CUL2: variants seen among roughly 807,000 people sequenced by gnomAD.
CUL2 encodes cullin-2.
CUL2 carries 22 observed loss-of-function variants against 110.2 expected under a neutral mutation model. The observed-to-expected ratio is 0.20, with a 90% CI of 0.14 to 0.28. CUL2 has a LOEUF of 0.28. Among genes scored for constraint, CUL2 ranks in the 10% least tolerant of loss-of-function variants. CUL2 has a pLI of 1.00. For missense variants in CUL2, 631 were observed against 905.5 expected (o/e 0.70, Z 3.89); for synonymous variants, 279 against 293.2 (o/e 0.95, Z 0.49).
At chr10:35,034,336 G>C (rs2085564347) in intron 10 of CUL2, among the ~76,000 whole-genome samples, 2 of 152,062 alleles carry the variant, frequency 1.3e-5, no homozygotes, top group Admixed American at 1.3e-4. Context: ...ACAAAAAATA[G>C]AAAACTGTGG....
At chr10:35,044,461 A>G (rs1192584888) in intron 8 of CUL2, 105 bp downstream of exon 8, 11 of 663,898 alleles carry the variant, frequency 1.7e-5, no homozygotes, top group South Asian at 2.3e-5. Flanking sequence ...AATAAACAGA[A>G]TATTTTTCCA....
At chr10:35,107,227 G>C (rs1274995347) in intron 1 of CUL2, among the ~76,000 whole-genome samples, 1 of 151,852 alleles carries the variant, frequency 6.6e-6, no homozygotes, top group Non-Finnish European at 1.5e-5. Flanking sequence ...ACCCACCTTG[G>C]CCTCCCAAAG....
intron 1 of CUL2, among the ~76,000 whole-genome samples, chr10:35,085,515 A>T (rs1230120294): frequency 6.6e-6 from 1 of 151,174 alleles, no homozygotes; most frequent in African/African-American, 2.4e-5. Flanking sequence ...GACACTGAGG[A>T]AGGCGGACCA....
intron 4 of CUL2, among the ~76,000 whole-genome samples, chr10:35,057,184 A>G (rs1447146833): frequency 6.6e-6 from 1 of 152,202 alleles, no homozygotes; most frequent in African/African-American, 2.4e-5. Flanking sequence ...AAAGATCTAG[A>G]TGTATATTCT....
intron 8 of CUL2, among the ~76,000 whole-genome samples, chr10:35,040,008 C>T (rs1429367922): frequency 6.6e-6 from 1 of 152,040 alleles, no homozygotes; most frequent in Non-Finnish European, 1.5e-5. Flanking sequence ...AAAAAATTAG[C>T]CAGGTGTGGT....
intron 17 of CUL2, among the ~76,000 whole-genome samples, chr10:35,017,129 C>G (rs2085056774): frequency 6.6e-6 from 1 of 152,018 alleles, no homozygotes; most frequent in Non-Finnish European, 1.5e-5. Context: ...GTTCAAGCCT[C>G]CTGGGAGGTC....
intron 2 of CUL2, among the ~76,000 whole-genome samples, chr10:35,068,657 T>G (rs1242046547): frequency 6.6e-6 from 1 of 152,174 alleles, no homozygotes; most frequent in African/African-American, 2.4e-5. Context: ...TTATTCACAC[T>G]CCCCATAAAT....
chr10:35,055,241 A>C (rs969757992), intron 4 of CUL2, among the ~76,000 whole-genome samples: 6 of 152,220 alleles, frequency 3.9e-5, no homozygotes, highest in African/African-American at 7.2e-5. Flanking sequence ...ACCTAAAACT[A>C]TTCATTTGAA....
chr10:35,086,849 C>T (rs1025543149), intron 1 of CUL2, among the ~76,000 whole-genome samples: 11 of 152,328 alleles, frequency 7.2e-5, no homozygotes, highest in African/African-American at 2.6e-4. Context: ...AACTTAACTA[C>T]TATTTAACAC....
upstream of CUL2, among the ~76,000 whole-genome samples, chr10:35,091,953 T>C (rs2087214127): frequency 6.6e-6 from 1 of 151,778 alleles, no homozygotes; most frequent in South Asian, 2.1e-4. Flanking sequence ...TTTGTTTTGT[T>C]TTTGTTTTTG....
intron 17 of CUL2, among the ~76,000 whole-genome samples, chr10:35,018,180 G>A (rs1444456870): frequency 1.3e-5 from 2 of 149,522 alleles, no homozygotes; most frequent in Admixed American, 6.7e-5. Flanking sequence ...CCAGCTACTC[G>A]GGAGGCTGAG....
intron 1 of CUL2, chr10:35,118,156 T>C (rs2135142982): frequency 6.6e-6 from 1 of 152,334 alleles, no homozygotes; most frequent in South Asian, 2.1e-4. Flanking sequence ...TGCAGAATAG[T>C]TTCACTGCCC....
intron 1 of CUL2, among the ~76,000 whole-genome samples, chr10:35,104,207 G>T (rs2087424871): frequency 6.6e-6 from 1 of 152,226 alleles, no homozygotes; most frequent in Non-Finnish European, 1.5e-5. Flanking sequence ...AGCACTTACG[G>T]ATGCCGAGGA....
intron 4 of CUL2, 63 bp from the exon 5 acceptor site, chr10:35,054,602 G>A: frequency 1.3e-6 from 1 of 791,282 alleles, no homozygotes; most frequent in South Asian, 1.8e-5. Context: ...CAAATGACTT[G>A]CAACTTTAGA....
chr10:35,059,121 G>A (rs779786839), intron 4 of CUL2, among the ~76,000 whole-genome samples: 56 of 152,070 alleles, frequency 3.7e-4, no homozygotes, highest in Non-Finnish European at 6.8e-4. Context: ...CTAATAAGAC[G>A]GTATGAACAT....
chr10:35,033,756 CA>C (rs66943310), intron 10 of CUL2, among the ~76,000 whole-genome samples: 111,496 of 134,682 alleles, frequency 0.83, 44,621 homozygotes, highest in Middle Eastern at 0.88. Context: ...ACAACAACAA[CA>C]AAAAAAAAAA....
chr10:35,121,423 C>T (rs1361356832), intron 1 of CUL2, among the ~76,000 whole-genome samples: 1 of 152,078 alleles, frequency 6.6e-6, no homozygotes, highest in African/African-American at 2.4e-5. Context: ...GATGGGGTTT[C>T]GCCATGTTGG....
chr10:35,016,148 T>G, intron 18 of CUL2, 44 bp downstream of exon 18: 2 of 1,514,868 alleles, frequency 1.3e-6, no homozygotes, highest in South Asian at 2.3e-5. Context: ...TGAAAAAGCT[T>G]TAATGCTGAT....
In CUL2 at chr10:35,116,561, T is replaced by C. The variant is rs184391352; in HGVS notation, c.-51+10044A>G. Among the ~76,000 whole-genome samples, 381 of 152,322 alleles carry C rather than the reference T, an allele frequency of 2.5e-3. 3 individuals are homozygous for C. The highest frequency in any genetic ancestry group is 8.9e-3 in the African/African-American group (369 of 41,568). On this transcript the variant is annotated intron_variant, in intron 1 of 5. Coordinates refer to the CUL2 transcript ENST00000685421. The stretch of plus-strand genomic sequence containing the variant: ...TTTTTGTGATCTCGTTTAACCCTCT[T>C]TGAATCCTTTCAATCTGAAATTTTC...
Sources: allele counts gnomAD v4.1 joint callset (sites outside exome capture counted in the v4.1 genomes callset), GRCh38; gene constraint gnomAD v4.1.1; transcripts MANE v1.5; gene names NCBI Gene and HGNC (gene_info 2026-07-23, HGNC 2026-07-21).